GABRG3: variants seen among roughly 807,000 people sequenced by gnomAD.
GABRG3 encodes the protein gamma-aminobutyric acid receptor subunit gamma-3.
In GABRG3, 25 loss-of-function variants were observed where a neutral mutation model predicts 48.8. That is an observed-to-expected ratio of 0.51 (90% CI 0.37 to 0.72). The LOEUF is 0.72. Among genes scored for constraint, GABRG3 ranks in the 30% least tolerant of loss-of-function variants. GABRG3 has a pLI of 0.00. For missense variants in GABRG3, 394 were observed against 577.9 expected (o/e 0.68, Z 3.26); for synonymous variants, 227 against 217.6 (o/e 1.04, Z -0.38).
At chr15:27,462,682 G>A (rs981175254) in intron 5 of GABRG3, among the ~76,000 whole-genome samples, 2 of 152,060 alleles carry the variant, frequency 1.3e-5, no homozygotes, top group Non-Finnish European at 2.9e-5. Flanking sequence ...TAACTTTTGT[G>A]CTACAATGTG....
At chr15:27,117,651 T>G (rs760771995) in intron 3 of GABRG3, among the ~76,000 whole-genome samples, 19 of 152,344 alleles carry the variant, frequency 1.2e-4, no homozygotes, top group Admixed American at 2.0e-4. Flanking sequence ...GCTCAGATTA[T>G]TAGAAAGTTT....
At chr15:27,173,647 G>A (rs747794468) in intron 3 of GABRG3, among the ~76,000 whole-genome samples, 13 of 149,050 alleles carry the variant, frequency 8.7e-5, no homozygotes, top group Non-Finnish European at 1.6e-4. Context: ...AAAGCAGGAG[G>A]ATCACTGGAA....
chr15:27,484,785 C>T (rs1890181080), intron 6 of GABRG3, among the ~76,000 whole-genome samples: 1 of 151,880 alleles, frequency 6.6e-6, no homozygotes, highest in Non-Finnish European at 1.5e-5. Flanking sequence ...CAACAGACGC[C>T]AACTAAAAGA....
intron 5 of GABRG3, among the ~76,000 whole-genome samples, chr15:27,343,603 T>C (rs1894265179): frequency 6.6e-6 from 1 of 152,180 alleles, no homozygotes; most frequent in Non-Finnish European, 1.5e-5. Context: ...AGCTAAATCA[T>C]TTGCGTTAAT....
At chr15:27,225,761 C>G (rs1889593119) in intron 3 of GABRG3, among the ~76,000 whole-genome samples, 1 of 152,056 alleles carries the variant, frequency 6.6e-6, no homozygotes, top group Admixed American at 6.5e-5. Context: ...TCCACCTGCC[C>G]TGGTCTTCGA....
intron 3 of GABRG3, among the ~76,000 whole-genome samples, chr15:27,274,312 A>G (rs2140475614): frequency 6.6e-6 from 1 of 152,240 alleles, no homozygotes; most frequent in Admixed American, 6.5e-5. Flanking sequence ...AGGCTGGGTA[A>G]TTTATAAAGA....
intron 3 of GABRG3, among the ~76,000 whole-genome samples, chr15:27,053,771 C>T (rs985885726): frequency 2.0e-5 from 3 of 152,122 alleles, no homozygotes; most frequent in South Asian, 2.1e-4. Context: ...AAATATACAC[C>T]GTGAAATACC....
chr15:27,091,868 T>G lies in GABRG3; in HGVS notation c.270+65047T>G, dbSNP rs564243561. 9.2e-5 allele frequency among the ~76,000 whole-genome samples: 14 copies of G among 152,300 alleles called. No homozygotes were observed. The East Asian group carries it at 2.5e-3, about 27-fold the overall frequency. On this transcript the variant is annotated intron_variant, in intron 3 of 9. Coordinates refer to ENST00000615808, the MANE Select transcript of GABRG3 (RefSeq NM_033223.5). ...GCTACGGCAAGCTAAAATCCTGCAG[T>G]GTTCTCCTGTCCTGTTTCAGTGGCA...
At position 27,421,980 on chromosome 15, in the gene GABRG3, C is replaced by T. The variant is rs561631864; in HGVS notation, c.575-58670C>T. ...TATCCATGGGAGTGGGCTGCATATCCACCAATACTGGGTGTTCTAAGATAT... is the reference window on the plus strand; with the variant it reads ...TATCCATGGGAGTGGGCTGCATATCTACCAATACTGGGTGTTCTAAGATAT... On this transcript the variant is annotated intron_variant, in intron 5 of 9. Transcript: ENST00000615808. Among the ~76,000 whole-genome samples, 535 of 150,932 alleles carry T rather than the reference C, an allele frequency of 3.5e-3. 3 individuals are homozygous for T. Among genetic ancestry groups the T allele is most frequent in the African/African-American group, 0.012 (506 of 40,894 alleles).
intron 2 of GABRG3, among the ~76,000 whole-genome samples, chr15:27,017,256 C>T (rs1895795326): frequency 6.6e-6 from 1 of 152,138 alleles, no homozygotes; most frequent in Non-Finnish European, 1.5e-5. Context: ...GACTTGCACA[C>T]TTAATATATT....
At position 27,319,472 on chromosome 15, in the gene GABRG3, C is replaced by T. The variant is rs958768357; in HGVS notation, c.271-7337C>T. Reference sequence around the variant, plus strand: ...GCACTGTGGTGGGGCAGTCTCTATGCGGAATTTGCGGATAATTGTGATACG... The same window carrying T: ...GCACTGTGGTGGGGCAGTCTCTATGTGGAATTTGCGGATAATTGTGATACG... On this transcript the variant is annotated intron_variant, in intron 3 of 9. Transcript: ENST00000615808. This position sits in a 1 kb window ranked among gnomAD's most constrained non-coding sequence, Gnocchi z 4.4. Among the ~76,000 whole-genome samples the T allele has an allele frequency of 5.3e-5, 8 of 152,118 alleles. No homozygotes were observed. The highest frequency in any genetic ancestry group is 2.0e-4 in the Admixed American group (3 of 15,274).
intron 2 of GABRG3, among the ~76,000 whole-genome samples, chr15:26,990,935 G>C (rs1047072851): frequency 6.6e-6 from 1 of 151,664 alleles, no homozygotes; most frequent in African/African-American, 2.4e-5. Context: ...CTCCTGAGTA[G>C]CTGGGACTAC....
At chr15:27,311,414 G>A (rs986720059) in intron 3 of GABRG3, among the ~76,000 whole-genome samples, 2 of 152,118 alleles carry the variant, frequency 1.3e-5, no homozygotes, top group African/African-American at 4.8e-5. Flanking sequence ...GAGATACCTG[G>A]AGGACGGGCT....
At chr15:27,138,383 C>T (rs1898046077) in intron 3 of GABRG3, among the ~76,000 whole-genome samples, 1 of 152,122 alleles carries the variant, frequency 6.6e-6, no homozygotes. Flanking sequence ...AATATATAGC[C>T]CAAGTGTAAT....
intron 3 of GABRG3, among the ~76,000 whole-genome samples, chr15:27,056,942 A>G (rs1463583147): frequency 6.6e-6 from 1 of 152,030 alleles, no homozygotes; most frequent in African/African-American, 2.4e-5. Context: ...GTCCTCCTTA[A>G]TGAAAAATAT....
At chr15:27,249,663 CA>C (rs1462654032) in intron 3 of GABRG3, among the ~76,000 whole-genome samples, 1 of 152,056 alleles carries the variant, frequency 6.6e-6, no homozygotes, top group Non-Finnish European at 1.5e-5. Flanking sequence ...TGAGTTCAGC[CA>C]TGCAGAAGGG....
intron 3 of GABRG3, among the ~76,000 whole-genome samples, chr15:27,039,941 C>G (rs1023246403): frequency 1.3e-5 from 2 of 152,148 alleles, no homozygotes; most frequent in African/African-American, 4.8e-5. Context: ...TTTCATCTTC[C>G]CAGGAAGTTC....
intron 3 of GABRG3, among the ~76,000 whole-genome samples, chr15:27,042,750 G>T (rs886186933): frequency 6.6e-6 from 1 of 152,230 alleles, no homozygotes; most frequent in Admixed American, 6.5e-5. Context: ...TCCCTCCCAT[G>T]GGAATGCTCA....
chr15:27,093,087 C>G (rs1329831618), intron 3 of GABRG3, among the ~76,000 whole-genome samples: 1 of 152,134 alleles, frequency 6.6e-6, no homozygotes, highest in African/African-American at 2.4e-5. Flanking sequence ...AGGATCTCCT[C>G]TAGAGTGGGT....
Sources: gnomAD v4.1 joint callset for allele counts (sites outside exome capture counted in the v4.1 genomes callset) on GRCh38, gnomAD v4.1.1 for gene constraint, Gnocchi (gnomAD v3.1) non-coding constraint, MANE v1.5 for transcripts, NCBI Gene and HGNC (gene_info 2026-07-23, HGNC 2026-07-21) for gene names.